Variants in TANC2 observed in about 807,000 individuals in gnomAD.
TANC2 encodes the protein tetratricopeptide repeat, ankyrin repeat and coiled-coil containing 2.
In TANC2, 26 loss-of-function variants were observed where a neutral mutation model predicts 210.5. That is an observed-to-expected ratio of 0.12 (90% CI 0.09 to 0.17). The LOEUF (loss-of-function observed/expected upper bound fraction) is 0.17. Ranked by LOEUF, TANC2 falls within the 10% of genes least tolerant of loss-of-function variation. The pLI is 1.00. For synonymous variants in TANC2, 931 were observed against 967.1 expected, an observed-to-expected ratio of 0.96 and a Z score of 0.69; for missense variants, 2,129 against 2,608.9, an observed-to-expected ratio of 0.82 and a Z score of 4.01.
intron 7 of TANC2, among the ~76,000 whole-genome samples, chr17:63,236,884 A>G (rs531859055): frequency 3.3e-5 from 5 of 152,140 alleles, no homozygotes; most frequent in East Asian, 1.9e-4. Context: ...TTCTTTATCC[A>G]TTCATCTGTT....
At chr17:63,348,779 ATATC>A (rs998493124) in intron 12 of TANC2, among the ~76,000 whole-genome samples, 1 of 152,184 alleles carries the variant, frequency 6.6e-6, no homozygotes, top group Non-Finnish European at 1.5e-5. Context: ...ACTACTCTAA[ATATC>A]TACAGAAATT....
chr17:63,010,830 A>C (rs749801670), intron 2 of TANC2, among the ~76,000 whole-genome samples: 18 of 152,186 alleles, frequency 1.2e-4, no homozygotes, highest in Non-Finnish European at 1.8e-4. Flanking sequence ...AGGGCAAGGT[A>C]TAGGGGAAAG....
chr17:63,230,213 A>AT (rs886102739), intron 7 of TANC2, among the ~76,000 whole-genome samples: 2 of 151,038 alleles, frequency 1.3e-5, no homozygotes, highest in East Asian at 1.9e-4. Context: ...CATTTTATTA[A>AT]TTTTTTTCAA....
chr17:63,295,034 A>C (rs2044491912), intron 9 of TANC2, among the ~76,000 whole-genome samples: 1 of 152,230 alleles, frequency 6.6e-6, no homozygotes, highest in Non-Finnish European at 1.5e-5. Context: ...TATTCATTAC[A>C]TTCATCCCCG....
intron 5 of TANC2, among the ~76,000 whole-genome samples, chr17:63,184,304 C>T (rs796153682): frequency 6.6e-6 from 1 of 151,884 alleles, no homozygotes; most frequent in African/African-American, 2.4e-5. Flanking sequence ...TTGTTTTTTT[C>T]ATAATTCTAG....
chr17:63,302,909 A>G (rs1179945371), intron 9 of TANC2, among the ~76,000 whole-genome samples: 1 of 151,888 alleles, frequency 6.6e-6, no homozygotes, highest in Non-Finnish European at 1.5e-5. Flanking sequence ...GATTACAGGC[A>G]TGCGCCACCA....
chr17:63,097,693 T>C (rs1301646092), intron 3 of TANC2, among the ~76,000 whole-genome samples: 1 of 152,194 alleles, frequency 6.6e-6, no homozygotes, highest in Non-Finnish European at 1.5e-5. Flanking sequence ...TTCTAGATGT[T>C]AGACTCTATC....
At chr17:63,270,290 A>T (rs2043659698) in intron 9 of TANC2, among the ~76,000 whole-genome samples, 1 of 152,182 alleles carries the variant, frequency 6.6e-6, no homozygotes, top group East Asian at 1.9e-4. Context: ...CATTATCAAG[A>T]AAGGAAAGCA....
chr17:63,215,952 C>T (rs1428298203), intron 7 of TANC2, among the ~76,000 whole-genome samples: 7 of 152,138 alleles, frequency 4.6e-5, no homozygotes, highest in East Asian at 3.9e-4. Flanking sequence ...GGGGTTTCAC[C>T]GTGTTAGCCA....
chr17:63,203,130 T>C (rs2041589770), intron 7 of TANC2, among the ~76,000 whole-genome samples: 2 of 152,190 alleles, frequency 1.3e-5, no homozygotes, highest in Non-Finnish European at 2.9e-5. Flanking sequence ...TTATCCAGAA[T>C]AGTTACAGTA....
chr17:63,274,793 G>C (rs556644411), intron 9 of TANC2, among the ~76,000 whole-genome samples: 1 of 152,090 alleles, frequency 6.6e-6, no homozygotes, highest in Non-Finnish European at 1.5e-5. Context: ...ACTCCAGCCT[G>C]GGCAACAGTC....
intron 7 of TANC2, among the ~76,000 whole-genome samples, chr17:63,224,924 C>A (rs553262874): frequency 1.4e-4 from 21 of 152,334 alleles, no homozygotes; most frequent in African/African-American, 4.6e-4. Context: ...AGGCCATCAT[C>A]ATATCCAGGT....
intron 7 of TANC2, among the ~76,000 whole-genome samples, chr17:63,218,049 C>T (rs936780122): frequency 9.9e-5 from 15 of 151,764 alleles, no homozygotes; most frequent in Non-Finnish European, 1.5e-5. Flanking sequence ...TTTGGGAGGT[C>T]GAGGTAGGAG....
At chr17:63,301,581 A>G (rs1373599691) in intron 9 of TANC2, among the ~76,000 whole-genome samples, 1 of 152,184 alleles carries the variant, frequency 6.6e-6, no homozygotes, top group Non-Finnish European at 1.5e-5. Flanking sequence ...TGTTTATACT[A>G]TTCTCTGGTG....
chr17:63,207,340 C>T (rs1412362754), intron 7 of TANC2, among the ~76,000 whole-genome samples: 2 of 151,348 alleles, frequency 1.3e-5, no homozygotes, highest in African/African-American at 4.9e-5. Context: ...CTCAGCCTCC[C>T]GAGTAGCTGG....
intron 5 of TANC2, among the ~76,000 whole-genome samples, chr17:63,162,597 C>A (rs2040066946): frequency 6.6e-6 from 1 of 151,834 alleles, no homozygotes; most frequent in African/African-American, 2.4e-5. Context: ...AGATAAAAAG[C>A]AAAAATGAAG....
At chr17:63,279,933 G>C (rs138786406) in intron 9 of TANC2, among the ~76,000 whole-genome samples, 2,052 of 152,142 alleles carry the variant, frequency 0.013, 24 homozygotes, top group Middle Eastern at 0.024. Context: ...TGTTTTTTAC[G>C]AAAGATTATG....
intron 9 of TANC2, among the ~76,000 whole-genome samples, chr17:63,304,452 G>C (rs1046717387): frequency 6.6e-6 from 1 of 152,164 alleles, no homozygotes. Context: ...ATGGGTGCTT[G>C]CTCCTTCCTC....
chr17:63,174,862 A>G (rs1438192228), intron 5 of TANC2, among the ~76,000 whole-genome samples: 2 of 152,210 alleles, frequency 1.3e-5, no homozygotes, highest in South Asian at 4.1e-4. Flanking sequence ...AATTAAATCC[A>G]AAAACAATTT....
Sources: gnomAD v4.1 joint callset for allele counts (sites outside exome capture counted in the v4.1 genomes callset) on GRCh38, gnomAD v4.1.1 for gene constraint, MANE v1.5 for transcripts, NCBI Gene and HGNC (gene_info 2026-07-23, HGNC 2026-07-21) for gene names.